The following TRAPPC2 variants were observed in gnomAD, a reference collection of about 807,000 sequenced individuals.
TRAPPC2 encodes trafficking protein particle complex subunit 2.
TRAPPC2 carries 4 observed loss-of-function variants against 10.0 expected under a neutral mutation model. The ratio of observed to expected loss-of-function variants is 0.40; its 90% CI spans 0.20 to 0.92. TRAPPC2 has a LOEUF of 0.92. Ranked by LOEUF, TRAPPC2 falls within the 40% of genes least tolerant of loss-of-function variation. TRAPPC2 has a pLI of 0.35. For synonymous variants in TRAPPC2, 36 were observed against 37.3 expected, an observed-to-expected ratio of 0.97 and a Z score of 0.12; for missense variants, 52 against 108.7, an observed-to-expected ratio of 0.48 and a Z score of 2.32.
chrX:13,732,815 T>C (rs1404598367), intron 2 of TRAPPC2, among the ~76,000 whole-genome samples: 1 of 112,865 alleles, frequency 8.9e-6, no homozygotes, highest in East Asian at 2.8e-4. Flanking sequence ...AAGACATCCA[T>C]TTTTGTAGCA....
rs974355540 is a variant in TRAPPC2 at position 13,734,147 on chromosome X, A to G, written c.-123T>C. The G allele has an allele frequency of 2.0e-6, 1 of 509,941 alleles. No individual in the cohort carries two copies. The highest frequency in any genetic ancestry group is 2.3e-5 in the African/African-American group (1 of 43,770). 42.0% of individuals were successfully genotyped at this position (509,941 alleles called of 1,213,427 possible). On this transcript the variant is annotated 5_prime_UTR_variant, in exon 2 of 6. Coordinates refer to ENST00000380579, the MANE Select transcript of TRAPPC2 (RefSeq NM_001011658.4). ...CAAGAGGACATCTGGCAATATCTGGAGACATCTTTGGTTGTCACACTTGGG... is the reference window on the plus strand; with the variant it reads ...CAAGAGGACATCTGGCAATATCTGGGGACATCTTTGGTTGTCACACTTGGG...
chrX:13,725,451 AC>A (rs1274571963), intron 2 of TRAPPC2, among the ~76,000 whole-genome samples: 1 of 112,365 alleles, frequency 8.9e-6, no homozygotes, highest in Non-Finnish European at 1.9e-5. Context: ...TGCTGGTGAT[AC>A]CCAGGCAAAC....
intron 2 of TRAPPC2, among the ~76,000 whole-genome samples, chrX:13,723,308 T>C (rs1473936923): frequency 5.5e-5 from 6 of 109,938 alleles, no homozygotes; most frequent in Non-Finnish European, 9.5e-5. Context: ...GCCAGGAGTA[T>C]AGGCATGTGC....
intron 2 of TRAPPC2, among the ~76,000 whole-genome samples, chrX:13,726,106 A>G (rs2887687): frequency 0.28 from 30,522 of 109,408 alleles, 3,491 homozygotes; most frequent in Non-Finnish European, 0.32. Context: ...ATATGGGACT[A>G]TGTGAAAAGA....
chrX:13,733,332 C>T (rs2046721589), intron 2 of TRAPPC2, among the ~76,000 whole-genome samples: 1 of 111,716 alleles, frequency 9.0e-6, no homozygotes, highest in Admixed American at 9.5e-5. Flanking sequence ...TATTGTTCCA[C>T]CTCTGCTAGC....
chrX:13,733,698 A>G (rs766553527), intron 2 of TRAPPC2, among the ~76,000 whole-genome samples: 3 of 111,601 alleles, frequency 2.7e-5, no homozygotes, highest in East Asian at 5.6e-4. Context: ...TTCCCAGCAC[A>G]CAACTCTGGA....
intron 2 of TRAPPC2, among the ~76,000 whole-genome samples, chrX:13,724,400 TAAA>T (rs772302164): frequency 1.2e-5 from 1 of 82,324 alleles, no homozygotes; most frequent in African/African-American, 4.5e-5. Flanking sequence ...AATATATATT[TAAA>T]AAAAAAAAAA....
At chrX:13,734,447 T>G (rs373943423) in intron 1 of TRAPPC2, 78 bp downstream of exon 1, 2 of 231,513 alleles carry the variant, frequency 8.6e-6, no homozygotes, top group Non-Finnish European at 7.8e-6. Context: ...AGGACCAACA[T>G]CCGCGTCACG....
intron 2 of TRAPPC2, among the ~76,000 whole-genome samples, chrX:13,724,064 A>G (rs1362314539): frequency 8.9e-6 from 1 of 111,771 alleles, no homozygotes; most frequent in African/African-American, 3.3e-5. Context: ...AAGGGGCCAC[A>G]GCCAAGGAAT....
chrX:13,733,952 A>G (rs982686761), intron 2 of TRAPPC2, 92 bp downstream of exon 2: 12 of 505,540 alleles, frequency 2.4e-5, no homozygotes, highest in Non-Finnish European at 3.9e-5. Context: ...TTCTTGTTCA[A>G]TTCTCTGGCT....
intron 2 of TRAPPC2, among the ~76,000 whole-genome samples, chrX:13,729,874 C>G (rs2146868577): frequency 8.9e-6 from 1 of 111,800 alleles, no homozygotes; most frequent in South Asian, 3.7e-4. Flanking sequence ...CACCATTGCA[C>G]TCCAGCCTGG....
chrX:13,716,368 A>G (rs1000671048), intron 4 of TRAPPC2, 166 bp downstream of exon 4: 2 of 637,049 alleles, frequency 3.1e-6, no homozygotes, highest in South Asian at 5.9e-5. Context: ...ATTAAACAAA[A>G]TGTTTTTCCC....
intron 2 of TRAPPC2, among the ~76,000 whole-genome samples, chrX:13,729,186 T>C (rs1468740104): frequency 3.6e-5 from 4 of 111,540 alleles, no homozygotes; most frequent in Non-Finnish European, 7.5e-5. Context: ...GGGTAATTTA[T>C]AGATTCACTG....
intron 5 of TRAPPC2, 118 bp downstream of exon 5, chrX:13,715,886 G>A: frequency 9.6e-7 from 1 of 1,045,086 alleles, no homozygotes; most frequent in Non-Finnish European, 1.2e-6. Context: ...GTTCTGATGG[G>A]GGAAAGCTAG....
chrX:13,734,551 C>T lies in TRAPPC2; in HGVS notation c.-188G>A. 3 of 394,206 alleles carry T rather than the reference C, an allele frequency of 7.6e-6. No individual in the cohort carries two copies. The highest frequency in any genetic ancestry group is 1.1e-5 in the Non-Finnish European group (3 of 285,505). 32.5% of individuals were successfully genotyped at this position (394,206 alleles called of 1,213,427 possible). Reference sequence around the variant, plus strand: ...TGCAGTGGGAGGCCGACAACGGAAACGCAATGTCAGTTTCCGCGGAAGAGA... The same window carrying T: ...TGCAGTGGGAGGCCGACAACGGAAATGCAATGTCAGTTTCCGCGGAAGAGA... On this transcript the variant is annotated 5_prime_UTR_variant, in exon 1 of 6. Transcript: ENST00000380579.
At chrX:13,730,402 A>T (rs1481177882) in intron 2 of TRAPPC2, among the ~76,000 whole-genome samples, 1 of 112,192 alleles carries the variant, frequency 8.9e-6, no homozygotes, top group Non-Finnish European at 1.9e-5. Flanking sequence ...GCAATCATTA[A>T]AAAGTCAGGA....
At chrX:13,726,975 G>A (rs748696277) in intron 2 of TRAPPC2, among the ~76,000 whole-genome samples, 1 of 111,764 alleles carries the variant, frequency 8.9e-6, no homozygotes, top group South Asian at 3.8e-4. Context: ...TGATAAAACA[G>A]ACTTTAAACC....
At chrX:13,732,782 A>G (rs16999057) in intron 2 of TRAPPC2, among the ~76,000 whole-genome samples, 1,627 of 112,981 alleles carry the variant, frequency 0.014, 31 homozygotes, top group African/African-American at 0.049. Flanking sequence ...AATGCAAGAT[A>G]AAACTCATGG....
chrX:13,716,416 T>TA, intron 4 of TRAPPC2, 118 bp downstream of exon 4: 1 of 935,654 alleles, frequency 1.1e-6, no homozygotes, highest in Admixed American at 2.9e-5. Flanking sequence ...AATGGAAACT[T>TA]ACATTTTCAC....
Sources: gnomAD v4.1 joint callset for allele counts (sites outside exome capture counted in the v4.1 genomes callset) on GRCh38, gnomAD v4.1.1 for gene constraint, MANE v1.5 for transcripts, NCBI Gene and HGNC (gene_info 2026-07-23, HGNC 2026-07-21) for gene names.